The following RABGAP1L variants were observed in gnomAD, a reference collection of about 807,000 sequenced individuals.
The protein encoded by RABGAP1L is RAB GTPase activating protein 1 like.
Under a neutral mutation model 137.7 loss-of-function variants are expected in RABGAP1L, and 63 were observed. The observed-to-expected ratio is 0.46, with a 90% CI of 0.37 to 0.56. The LOEUF (loss-of-function observed/expected upper bound fraction) is 0.56. RABGAP1L is among the 20% of genes least tolerant of loss of function. RABGAP1L has a pLI of 0.00. For missense variants in RABGAP1L, 1,095 were observed against 1,244.0 expected (o/e 0.88, Z 1.80); for synonymous variants, 431 against 433.7 (o/e 0.99, Z 0.08).
At position 174,348,209 on chromosome 1, in the gene RABGAP1L, C is replaced by G. The variant is rs955635323; in HGVS notation, c.1466-22770C>G. Among the ~76,000 whole-genome samples the G allele has an allele frequency of 6.0e-5, 9 of 150,780 alleles. No homozygotes were observed. The East Asian group carries it at 1.8e-3, about 30-fold the overall frequency. On this transcript the variant is annotated intron_variant, in intron 11 of 25. Coordinates refer to ENST00000681986, the MANE Select transcript of RABGAP1L (RefSeq NM_001366446.1). ...TTACCCTGAAGCTTGTAAATAATAT[C>G]TTATAACCCACTATTTTAAACTGAT...
intron 19 of RABGAP1L, among the ~76,000 whole-genome samples, chr1:174,817,090 G>A (rs567026880): frequency 4.8e-4 from 73 of 152,204 alleles, no homozygotes; most frequent in African/African-American, 1.7e-3. Context: ...AATGTTCCAA[G>A]TACCATATTT....
chr1:174,684,144 G>A (rs1192180340), intron 15 of RABGAP1L, among the ~76,000 whole-genome samples: 1 of 152,142 alleles, frequency 6.6e-6, no homozygotes, highest in African/African-American at 2.4e-5. Context: ...TCTCTTTTAT[G>A]TGTCTTTATT....
At chr1:174,627,913 A>G (rs1673039826) in intron 13 of RABGAP1L, among the ~76,000 whole-genome samples, 1 of 152,144 alleles carries the variant, frequency 6.6e-6, no homozygotes, top group South Asian at 2.1e-4. Context: ...TGGTCCAGAA[A>G]GGAGGCATAT....
At chr1:174,500,654 G>A (rs562863220) in intron 13 of RABGAP1L, among the ~76,000 whole-genome samples, 98 of 152,246 alleles carry the variant, frequency 6.4e-4, no homozygotes, top group Non-Finnish European at 6.8e-4. Context: ...GATAGGAACC[G>A]TAGTTTATTA....
At chr1:174,553,209 C>T (rs982567723) in intron 13 of RABGAP1L, among the ~76,000 whole-genome samples, 4 of 151,994 alleles carry the variant, frequency 2.6e-5, no homozygotes, top group Admixed American at 6.6e-5. Context: ...TTTGTTTTGC[C>T]GGGCAGAAGC....
intron 19 of RABGAP1L, among the ~76,000 whole-genome samples, chr1:174,931,990 G>T (rs80317937): frequency 0.018 from 1,229 of 69,608 alleles, 19 homozygotes; most frequent in South Asian, 0.026. Flanking sequence ...TGCTTTTTTG[G>T]TTTTTTTTTT....
At chr1:174,528,148 G>T (rs1329525162) in intron 13 of RABGAP1L, among the ~76,000 whole-genome samples, 3 of 151,284 alleles carry the variant, frequency 2.0e-5, no homozygotes, top group Non-Finnish European at 4.4e-5. Flanking sequence ...TATATTCTAG[G>T]TGGTTATTAA....
intron 13 of RABGAP1L, among the ~76,000 whole-genome samples, chr1:174,518,293 G>T (rs1009410560): frequency 6.6e-6 from 1 of 152,070 alleles, no homozygotes; most frequent in African/African-American, 2.4e-5. Flanking sequence ...CAGTATCTAG[G>T]GGGGATTGGT....
At chr1:174,504,042 G>A (rs1192694389) in intron 13 of RABGAP1L, among the ~76,000 whole-genome samples, 2 of 149,684 alleles carry the variant, frequency 1.3e-5, no homozygotes, top group South Asian at 2.1e-4. Flanking sequence ...GTGTAATCTC[G>A]GCTCACCACA....
chr1:174,838,721 G>T (rs1283270156), intron 19 of RABGAP1L, among the ~76,000 whole-genome samples: 6 of 151,330 alleles, frequency 4.0e-5, no homozygotes, highest in Admixed American at 4.0e-4. Flanking sequence ...CGAGGTCAGG[G>T]GATCGAGACC....
intron 18 of RABGAP1L, among the ~76,000 whole-genome samples, chr1:174,810,455 G>A (rs1689759182): frequency 6.6e-6 from 1 of 152,164 alleles, no homozygotes; most frequent in African/African-American, 2.4e-5. Context: ...GGACCAGGGT[G>A]GTGATGACGA....
chr1:174,834,125 T>C (rs1201756117), intron 19 of RABGAP1L, among the ~76,000 whole-genome samples: 2 of 152,152 alleles, frequency 1.3e-5, no homozygotes, highest in Non-Finnish European at 2.9e-5. Flanking sequence ...GTCTGAATCC[T>C]GATATAGAAG....
intron 7 of RABGAP1L, 134 bp from the exon 8 acceptor site, chr1:174,272,280 T>C: frequency 1.2e-6 from 1 of 817,404 alleles, no homozygotes; most frequent in Non-Finnish European, 1.8e-6. Context: ...ATTTCTGGTG[T>C]TTTTAGAAAA....
chr1:174,664,730 C>CTTTTTTTTTTTTTTTTT lies in RABGAP1L; in HGVS notation c.1825-18789_1825-18788insTTTTTTTTTTTTTTTTT, dbSNP rs747671420. On this transcript the variant is annotated intron_variant, in intron 14 of 25. Coordinates refer to ENST00000681986, the MANE Select transcript of RABGAP1L (RefSeq NM_001366446.1). ...CTCTCTCTTTCTTTCTTTCTTTCTG[C>CTTTTTTTTTTTTTTTTT]TTTCTTTTTTTTTTTTTTTTTTTTT... Among the ~76,000 whole-genome samples the CTTTTTTTTTTTTTTTTT allele has an allele frequency of 4.7e-4, 46 of 98,894 alleles. 7 individuals are homozygous for CTTTTTTTTTTTTTTTTT. The highest frequency in any genetic ancestry group is 2.7e-3 in the African/African-American group (42 of 15,664). 64.9% of individuals were successfully genotyped at this position (98,894 alleles called of 152,430 possible). A position where few individuals can be genotyped will look rare whatever the true frequency, so the allele number is the denominator to read the frequency against.
At chr1:174,720,755 G>A (rs1681463099) in intron 17 of RABGAP1L, among the ~76,000 whole-genome samples, 1 of 152,192 alleles carries the variant, frequency 6.6e-6, no homozygotes, top group Non-Finnish European at 1.5e-5. Flanking sequence ...TCCTAGAGTT[G>A]AAGAGAGGAG....
At chr1:174,274,396 G>A (rs1165192667) in intron 8 of RABGAP1L, among the ~76,000 whole-genome samples, 1 of 152,052 alleles carries the variant, frequency 6.6e-6, no homozygotes. Context: ...CCTTTTCTGT[G>A]TTTAGGTACA....
rs991310001 is a variant in RABGAP1L at position 174,272,476 on chromosome 1, A to T, written c.1049A>T (p.Asp350Val). ...AAGAACAGTGACATGCATTTACTGG[A>T]TATGGTAATGATAATCTTAAGCACC... ...NVKNSDMHLL[D>V]MESMGKSYDG... Residue 350 changes from aspartate (D) to valine (V), a missense_variant, in exon 8 of 26, where the codon GAT (aspartate) becomes GTT (valine). By Grantham distance (152) the Asp-to-Val change is radical (BLOSUM62 -3). This residue lies in a region of RABGAP1L where 112 missense variants were observed against 157.3 expected (regional missense o/e 0.71). Coordinates refer to ENST00000681986, the MANE Select transcript of RABGAP1L (RefSeq NM_001366446.1). The T allele has an allele frequency of 1.3e-6, 2 of 1,589,226 alleles. No individual in the cohort carries two copies. The highest frequency in any genetic ancestry group is 1.7e-6 in the Non-Finnish European group (2 of 1,170,958).
At chr1:174,232,489 A>G (rs1558053465) in intron 4 of RABGAP1L, among the ~76,000 whole-genome samples, 2 of 151,628 alleles carry the variant, frequency 1.3e-5, no homozygotes, top group Non-Finnish European at 2.9e-5. Flanking sequence ...CTCAATTAAA[A>G]AAAAAAAAAA....
chr1:174,566,655 A>T (rs956197522), intron 13 of RABGAP1L, among the ~76,000 whole-genome samples: 1 of 152,182 alleles, frequency 6.6e-6, no homozygotes, highest in Admixed American at 6.6e-5. Flanking sequence ...CAAAAATTCC[A>T]TATGTATTTG....
Sources: allele counts gnomAD v4.1 joint callset (sites outside exome capture counted in the v4.1 genomes callset), GRCh38; gene constraint gnomAD v4.1.1; regional missense constraint gnomAD v4.1.1; transcripts MANE v1.5; gene names NCBI Gene and HGNC (gene_info 2026-07-23, HGNC 2026-07-21).